Variants in LARP1 observed in about 807,000 individuals in gnomAD.
LARP1 encodes the protein la-related protein 1.
Under a neutral mutation model 122.7 loss-of-function variants are expected in LARP1, and 36 were observed. That is an observed-to-expected ratio of 0.29 (90% CI 0.22 to 0.39). The LOEUF (loss-of-function observed/expected upper bound fraction) is 0.39. Ranked by LOEUF, LARP1 falls within the 10% of genes least tolerant of loss-of-function variation. The probability of loss-of-function intolerance (pLI) is 1.00; values close to 1 mark genes in which losing one functional copy is unlikely to be tolerated. For synonymous variants in LARP1, 539 were observed against 528.7 expected, an observed-to-expected ratio of 1.02 and a Z score of -0.27; for missense variants, 1,040 against 1,403.6, an observed-to-expected ratio of 0.74 and a Z score of 4.14.
chr5:154,764,595 CAA>C (rs1158921641), intron 1 of LARP1, among the ~76,000 whole-genome samples: 4 of 44,888 alleles, frequency 8.9e-5, no homozygotes, highest in African/African-American at 4.0e-4. Flanking sequence ...GACCATGTCT[CAA>C]AAAAAAAAAA....
At chr5:154,737,992 C>T (rs1455084981) in intron 1 of LARP1, among the ~76,000 whole-genome samples, 1 of 152,158 alleles carries the variant, frequency 6.6e-6, no homozygotes, top group Non-Finnish European at 1.5e-5. Context: ...TTAACCTCCT[C>T]CAGGAACCTA....
intron 7 of LARP1, 148 bp from the exon 8 acceptor site, chr5:154,795,027 G>C (rs755415674): frequency 6.9e-6 from 5 of 721,856 alleles, no homozygotes; most frequent in Middle Eastern, 3.7e-4. Flanking sequence ...TTTCTTTTCA[G>C]CCCTCAACAC....
At chr5:154,772,775 C>T (rs1275232790) in intron 1 of LARP1, among the ~76,000 whole-genome samples, 1 of 152,154 alleles carries the variant, frequency 6.6e-6, no homozygotes, top group East Asian at 1.9e-4. Flanking sequence ...ACAACCTCCG[C>T]CTCCCAGGTT....
intron 1 of LARP1, among the ~76,000 whole-genome samples, chr5:154,692,985 T>C (rs1198879951): frequency 3.6e-5 from 3 of 82,658 alleles, no homozygotes; most frequent in South Asian, 4.0e-4. Context: ...ATTTTAATTT[T>C]TAATTATTTT....
At chr5:154,725,728 G>T (rs1343966576) in intron 1 of LARP1, among the ~76,000 whole-genome samples, 1 of 152,150 alleles carries the variant, frequency 6.6e-6, no homozygotes, top group Non-Finnish European at 1.5e-5. Flanking sequence ...TCAAGAAAAG[G>T]CTAAGAAACT....
intron 1 of LARP1, among the ~76,000 whole-genome samples, chr5:154,695,894 T>C (rs759659193): frequency 5.3e-5 from 8 of 151,716 alleles, no homozygotes; most frequent in Non-Finnish European, 1.2e-4. Context: ...AATTACAATA[T>C]ATTGCTGGCA....
intron 1 of LARP1, chr5:154,685,927 C>T (rs1753920548): frequency 2.1e-6 from 1 of 484,200 alleles, no homozygotes; most frequent in Non-Finnish European, 4.0e-6. Flanking sequence ...CAAGCTACCT[C>T]GTGATTCGGT....
At chr5:154,755,241 G>T (rs1197555236), upstream of LARP1, among the ~76,000 whole-genome samples, 1 of 45,796 alleles carries the variant, frequency 2.2e-5, no homozygotes, top group Non-Finnish European at 4.1e-5. Context: ...CCCGCCCGTC[G>T]CCCAGGGCCC....
At chr5:154,798,011 A>G (rs181847741) in intron 8 of LARP1, among the ~76,000 whole-genome samples, 11 of 152,284 alleles carry the variant, frequency 7.2e-5, no homozygotes, top group Non-Finnish European at 1.2e-4. Context: ...CTCCACTACC[A>G]CTGAAAACAG....
intron 1 of LARP1, among the ~76,000 whole-genome samples, chr5:154,725,259 G>T (rs1031185852): frequency 2.0e-5 from 3 of 151,696 alleles, no homozygotes; most frequent in African/African-American, 7.3e-5. Flanking sequence ...GTGTGGTGGC[G>T]GGCGCCTGTA....
chr5:154,781,861 A>C (rs1233313020), intron 1 of LARP1, among the ~76,000 whole-genome samples: 3 of 152,172 alleles, frequency 2.0e-5, no homozygotes, highest in African/African-American at 7.2e-5. Context: ...AAGATTGGAC[A>C]CCTCTGTAGT....
intron 15 of LARP1, 58 bp downstream of exon 15, chr5:154,806,090 A>T: frequency 6.4e-7 from 1 of 1,571,840 alleles, no homozygotes; most frequent in South Asian, 1.1e-5. Flanking sequence ...GACCCAGAGT[A>T]TAAGAGTTGG....
Position 154,802,072 on chromosome 5 carries a change from G to T in LARP1, c.1782G>T (p.Leu594=). Residue 594 remains leucine, a synonymous_variant, in exon 11 of 19, where the codon CTG becomes CTT. Coordinates refer to ENST00000518297, the MANE Select transcript of LARP1 (RefSeq NM_033551.3). The surrounding 1 kb of genome is among the most constrained non-coding windows in gnomAD (Gnocchi z 5.1). ...SLPQQLPSQQ[L]MSKDQDEQEE... ...CTCAGCAGCTGCCTTCCCAGCAGCT[G>T]ATGTCCAAGGATCAGGATGAGCAAG... 1.2e-6 allele frequency: 2 copies of T among 1,614,126 alleles called. No individual in the cohort carries two copies. Among genetic ancestry groups the T allele is most frequent in the Non-Finnish European group, 1.7e-6 (2 of 1,180,026 alleles).
At chr5:154,710,570 T>C (rs1755167032), upstream of LARP1, among the ~76,000 whole-genome samples, 1 of 151,870 alleles carries the variant, frequency 6.6e-6, no homozygotes, top group African/African-American at 2.4e-5. Context: ...GGTGAAACCC[T>C]GTCTCTACTA....
Position 154,811,641 on chromosome 5 carries a change from G to A in LARP1, c.3081+1G>A. ...ACGTCTTGAAGACTTCCGAGTAGAT[G>A]TAAGTGAAACTCTTTCTCTAACTCT... On this transcript the variant is annotated splice_donor_variant, in intron 18 of 18. Coordinates refer to ENST00000518297, the MANE Select transcript of LARP1 (RefSeq NM_033551.3). LOFTEE classifies it high-confidence loss of function. The A allele has an allele frequency of 6.2e-7, 1 of 1,614,170 alleles. No homozygotes were observed. Among genetic ancestry groups the A allele is most frequent in the Non-Finnish European group, 8.5e-7 (1 of 1,180,032 alleles).
intron 3 of LARP1, among the ~76,000 whole-genome samples, chr5:154,791,262 G>A (rs1159358881): frequency 6.6e-6 from 1 of 151,314 alleles, no homozygotes; most frequent in South Asian, 2.1e-4. Flanking sequence ...CACCCAGGCT[G>A]GAGTGCAATG....
upstream of LARP1, among the ~76,000 whole-genome samples, chr5:154,753,543 G>A (rs1434061320): frequency 1.3e-5 from 2 of 152,200 alleles, no homozygotes; most frequent in Admixed American, 6.5e-5. Flanking sequence ...TTAATTCATT[G>A]AGTAACATTA....
chr5:154,805,658 C>T (rs920680987), intron 14 of LARP1: 1 of 501,510 alleles, frequency 2.0e-6, no homozygotes, highest in East Asian at 3.3e-5. Context: ...GATGAGTCTC[C>T]TAATCTCTGT....
chr5:154,732,184 C>CAAA (rs1467632446), intron 1 of LARP1, among the ~76,000 whole-genome samples: 1 of 22,456 alleles, frequency 4.5e-5, no homozygotes, highest in African/African-American at 8.6e-5. Flanking sequence ...CAAAACAAAA[C>CAAA]AAAACAAAAA....
Sources: gnomAD v4.1 joint callset for allele counts (sites outside exome capture counted in the v4.1 genomes callset) on GRCh38, gnomAD v4.1.1 for gene constraint, Gnocchi (gnomAD v3.1) non-coding constraint, MANE v1.5 for transcripts, NCBI Gene and HGNC (gene_info 2026-07-23, HGNC 2026-07-21) for gene names.